Variants in PDXDC1 observed in about 807,000 individuals in gnomAD.
PDXDC1 encodes the protein pyridoxal-dependent decarboxylase domain-containing protein 1.
PDXDC1 carries 42 observed loss-of-function variants against 100.1 expected under a neutral mutation model. The observed-to-expected ratio is 0.42, with a 90% CI of 0.33 to 0.54. The LOEUF (loss-of-function observed/expected upper bound fraction) is 0.54, where lower values mean the gene tolerates loss of function less well. Among genes scored for constraint, PDXDC1 ranks in the 20% least tolerant of loss-of-function variants. The pLI is 0.10. For synonymous variants in PDXDC1, 260 were observed against 371.7 expected, an observed-to-expected ratio of 0.70 and a Z score of 3.46; for missense variants, 636 against 979.2, an observed-to-expected ratio of 0.65 and a Z score of 4.68.
intron 16 of PDXDC1, chr16:15,063,081 T>C (rs2151756330): frequency 2.5e-6 from 2 of 811,198 alleles, no homozygotes; most frequent in East Asian, 4.9e-5. Context: ...CCTCTGGCCT[T>C]GACCCCCTAA....
intron 16 of PDXDC1, among the ~76,000 whole-genome samples, chr16:15,109,415 T>C (rs1475113842): frequency 3.7e-4 from 53 of 144,792 alleles, no homozygotes; most frequent in African/African-American, 3.7e-4. Flanking sequence ...TCCCAGCACA[T>C]TGGGAGGCCG....
chr16:15,087,263 T>C (rs1227495876), intron 16 of PDXDC1, among the ~76,000 whole-genome samples: 1 of 152,234 alleles, frequency 6.6e-6, no homozygotes, highest in East Asian at 1.9e-4. Flanking sequence ...GAATACACCA[T>C]ATGCCAGGCA....
chr16:15,133,810 G>A (rs2048222212), intron 16 of PDXDC1: 1 of 1,586,352 alleles, frequency 6.3e-7, no homozygotes, highest in South Asian at 1.1e-5. Flanking sequence ...CATTCGAAGT[G>A]CACCTTGGTG....
Position 15,094,987 on chromosome 16 carries a change from G to A in PDXDC1, c.1400-43892G>A, listed in dbSNP as rs192244955. ...CAAGTAGCTGGGATTACAGGCGCAT[G>A]CCACCACACCCGGCTAATTTTCGTA... On this transcript the variant is annotated intron_variant, in intron 16 of 16. Coordinates refer to the PDXDC1 transcript ENST00000535621. Among the ~76,000 whole-genome samples, 92 of 152,200 alleles carry A rather than the reference G, an allele frequency of 6.0e-4. 2 individuals are homozygous for A. The East Asian group carries it at 0.013, about 22-fold the overall frequency.
At chr16:15,146,024 G>A in the PDXDC1 span, among the ~76,000 whole-genome samples, 23 of 152,332 alleles carry the variant, frequency 1.5e-4, no homozygotes, top group African/African-American at 5.5e-4. Flanking sequence ...GTGGGGGAGC[G>A]AGGGCAGTGG....
intron 16 of PDXDC1, chr16:15,133,667 A>G (rs2048214245): frequency 1.9e-6 from 3 of 1,567,788 alleles, no homozygotes; most frequent in Middle Eastern, 2.3e-4. Context: ...CAGGGCGTAC[A>G]CCAGCGGGGC....
intron 16 of PDXDC1, among the ~76,000 whole-genome samples, chr16:15,102,637 C>T (rs1433351466): frequency 6.0e-5 from 9 of 150,868 alleles, no homozygotes; most frequent in African/African-American, 1.5e-4. Context: ...TTACCCAAGA[C>T]GGGGATTTTC....
At chr16:15,083,680 T>C in intron 16 of PDXDC1, 10 of 1,532,366 alleles carry the variant, frequency 6.5e-6, no homozygotes, top group South Asian at 2.4e-5. Context: ...TTGATAGACA[T>C]AGGAGGCAAA....
At chr16:14,992,789 T>C (rs1377778853) in intron 1 of PDXDC1, among the ~76,000 whole-genome samples, 1 of 152,278 alleles carries the variant, frequency 6.6e-6, no homozygotes, top group Non-Finnish European at 1.5e-5. Context: ...TTAACCTCTC[T>C]GCATCTTAGT....
At chr16:15,127,465 C>T (rs1402790057) in intron 16 of PDXDC1, 4 of 1,561,076 alleles carry the variant, frequency 2.6e-6, no homozygotes, top group Non-Finnish European at 2.6e-6. Flanking sequence ...CCAGCCCCAG[C>T]CCACCTTGCT....
Position 15,037,991 on chromosome 16 carries a change from G to A in PDXDC1, c.*1716G>A, listed in dbSNP as rs374623964. 9 of 1,525,310 alleles carry A rather than the reference G, an allele frequency of 5.9e-6. No individual in the cohort carries two copies. In the African/African-American group the frequency reaches 8.2e-5, roughly 14 times the overall value. The allele number at this position is 1,525,310 out of a possible 1,614,324, so 94.5% of individuals were successfully genotyped here. On this transcript the variant is annotated 3_prime_UTR_variant, in exon 23 of 23. Coordinates refer to ENST00000396410, the MANE Select transcript of PDXDC1 (RefSeq NM_015027.4). ...TTCGTGCCAGCCCCACCAATGGTCT[G>A]TCAGGCCAAGAAGGTGCTTTCTTTG... is the stretch of plus-strand genomic sequence containing the variant.
intron 16 of PDXDC1, among the ~76,000 whole-genome samples, chr16:15,068,634 A>G (rs577922956): frequency 6.6e-6 from 1 of 152,340 alleles, no homozygotes; most frequent in African/African-American, 2.4e-5. Flanking sequence ...CAATCATGAC[A>G]GGCAACAAAA....
At chr16:15,130,609 C>T (rs758125826) in intron 16 of PDXDC1, 7 of 1,377,750 alleles carry the variant, frequency 5.1e-6, no homozygotes, top group African/African-American at 1.4e-5. Context: ...CTGCCCTGCC[C>T]TGCCAGGCCG....
chr16:15,041,005 G>C (rs1455794785), downstream of PDXDC1: 14 of 1,148,228 alleles, frequency 1.2e-5, no homozygotes, highest in Non-Finnish European at 1.7e-5. Context: ...TTGGTTTGCT[G>C]AATTAGACTT....
intron 16 of PDXDC1, chr16:15,125,645 C>T (rs775143789): frequency 4.7e-5 from 58 of 1,227,710 alleles, no homozygotes; most frequent in Non-Finnish European, 5.6e-5. Flanking sequence ...TGCGCCAAGG[C>T]GGCAGGACCC....
At chr16:15,121,856 A>G (rs549365509) in intron 16 of PDXDC1, 6,248 of 196,798 alleles carry the variant, frequency 0.032, 209 homozygotes, top group Admixed American at 0.1. Flanking sequence ...TTAAGGTTAT[A>G]TATTTTGGCC....
At chr16:15,052,140 T>C (rs528087076) in intron 16 of PDXDC1, among the ~76,000 whole-genome samples, 2 of 152,330 alleles carry the variant, frequency 1.3e-5, no homozygotes, top group East Asian at 3.9e-4. Context: ...TTTGGGGTTC[T>C]ACAAGGCCGC....
chr16:15,109,238 A>G lies in PDXDC1; in HGVS notation c.1400-29641A>G, dbSNP rs534877579. 942 of 148,752 alleles carry G rather than the reference A, an allele frequency of 6.3e-3. 12 individuals are homozygous for G. Among genetic ancestry groups the G allele is most frequent in the African/African-American group, 0.021 (863 of 40,786 alleles). The allele number at this position is 148,752 out of a possible 1,614,324, so 9.2% of individuals were successfully genotyped here. The stretch of plus-strand genomic sequence containing the variant: ...GTGAAAATGAATCTGGAGGTGACCC[A>G]AGCATTGAATTCAACAATCCAGGCT... On this transcript the variant is annotated intron_variant, in intron 16 of 16. Coordinates refer to the PDXDC1 transcript ENST00000535621.
intron 1 of PDXDC1, among the ~76,000 whole-genome samples, chr16:14,987,529 G>T (rs2151223496): frequency 6.6e-6 from 1 of 152,416 alleles, no homozygotes; most frequent in South Asian, 2.1e-4. Flanking sequence ...TATTTACTCT[G>T]TGTCTGACCC....
Sources: gnomAD v4.1 joint callset for allele counts (sites outside exome capture counted in the v4.1 genomes callset) on GRCh38, gnomAD v4.1.1 for gene constraint, MANE v1.5 for transcripts, NCBI Gene and HGNC (gene_info 2026-07-23, HGNC 2026-07-21) for gene names.